SCLT1: variants seen among roughly 807,000 people sequenced by gnomAD.
SCLT1 encodes sodium channel and clathrin linker 1.
A neutral mutation model predicts 112.8 loss-of-function variants in SCLT1; 78 were observed. The ratio of observed to expected loss-of-function variants is 0.69; its 90% CI spans 0.58 to 0.83. The LOEUF (loss-of-function observed/expected upper bound fraction) is 0.83, where lower values mean the gene tolerates loss of function less well. Ranked by LOEUF, SCLT1 falls within the 40% of genes least tolerant of loss-of-function variation. The probability of loss-of-function intolerance (pLI) is 0.00; values close to 1 mark genes in which losing one functional copy is unlikely to be tolerated. For synonymous variants in SCLT1, 257 were observed against 254.7 expected (o/e 1.01, Z -0.09); for missense variants, 747 against 770.4 (o/e 0.97, Z 0.36).
intron 9 of SCLT1, among the ~76,000 whole-genome samples, chr4:128,977,351 T>C (rs1323926499): frequency 6.6e-6 from 1 of 152,174 alleles, no homozygotes; most frequent in Non-Finnish European, 1.5e-5. Context: ...ACATGTACTA[T>C]ACCAAGTACT....
In SCLT1 at chr4:128,957,123, G is replaced by A. The variant is rs1213655195; in HGVS notation, c.1049C>T (p.Ala350Val). The change falls in exon 13 of 21, where the codon GCT becomes GTT. Residue 350 changes from alanine (A) to valine (V), a missense_variant and splice_region_variant. Physicochemically the swap from Ala to Val is moderately conservative, Grantham distance 64. Transcript: ENST00000281142. The part of the protein sequence containing the change: ...LEEANLQKSQ[A>V]LLEEKQKEED... ...TTCTTTTTGCTTCTCCTCAAGTAGA[G>A]CCTTCAGAAAATAATCATTTCATGT... The A allele has an allele frequency of 6.5e-7, 1 of 1,535,216 alleles. No homozygotes were observed. Among genetic ancestry groups the A allele is most frequent in the Admixed American group, 1.8e-5 (1 of 54,348 alleles).
chr4:129,081,815 T>C (rs973793444), intron 2 of SCLT1, among the ~76,000 whole-genome samples: 3 of 152,208 alleles, frequency 2.0e-5, no homozygotes, highest in Non-Finnish European at 4.4e-5. Context: ...GAGTCACCAC[T>C]AATCTACGAG....
chr4:128,931,722 A>T (rs1461019884), intron 18 of SCLT1, among the ~76,000 whole-genome samples: 1 of 152,194 alleles, frequency 6.6e-6, no homozygotes, highest in Non-Finnish European at 1.5e-5. Context: ...TCGGCCTCCC[A>T]AAGTGTTGGG....
chr4:129,049,295 C>G (rs971167702), intron 2 of SCLT1, among the ~76,000 whole-genome samples: 2 of 151,788 alleles, frequency 1.3e-5, no homozygotes, highest in Non-Finnish European at 2.9e-5. Flanking sequence ...GAATACTATG[C>G]AGCCATAAAA....
intron 18 of SCLT1, among the ~76,000 whole-genome samples, chr4:128,912,338 T>G (rs960396200): frequency 6.6e-6 from 1 of 152,188 alleles, no homozygotes; most frequent in African/African-American, 2.4e-5. Context: ...GGTACTTTAC[T>G]GATGCTCAAT....
intron 18 of SCLT1, among the ~76,000 whole-genome samples, chr4:128,920,786 C>T (rs901070641): frequency 3.3e-5 from 5 of 152,092 alleles, no homozygotes; most frequent in African/African-American, 1.2e-4. Flanking sequence ...TACCCCTATT[C>T]AACATAGTAC....
rs748109220 is a variant in SCLT1, at chr4:128,970,405, T to G, written c.750A>C (p.Glu250Asp). ...TCTTTTTCATCTGTCCCTGCAGATC[T>G]TCAGTCACATTAGTTAACTCTTCCA... ...AKVEELTNVT[E>D]DLQGQMKKKE... The change falls in exon 10 of 21, where the codon GAA (glutamate) becomes GAC (aspartate). Residue 250 changes from glutamate to aspartate, a missense_variant. This residue lies in a region of SCLT1 where 723 missense variants were observed against 721.3 expected (regional missense o/e 1.00). Coordinates refer to ENST00000281142, the MANE Select transcript of SCLT1 (RefSeq NM_144643.4). 4 of 1,603,962 alleles carry G rather than the reference T, an allele frequency of 2.5e-6. No individual in the cohort carries two copies. Among genetic ancestry groups the G allele is most frequent in the Non-Finnish European group, 3.4e-6 (4 of 1,171,500 alleles).
In SCLT1 at chr4:129,003,810, T is replaced by C. The variant is rs202195132; in HGVS notation, c.357A>G (p.Val119=). The change falls in exon 6 of 21, where the codon GTA becomes GTG. Residue 119 remains valine (V), a synonymous_variant. Transcript: ENST00000281142. The part of the protein sequence containing the change: ...KLEAFPLGTE[V]GTDIYADDET... ...CATCATCTGCATATATGTCAGTTCC[T>C]ACCTCTGTGCCCAGGGGAAAGGCCT... The C allele has an allele frequency of 1.1e-4, 172 of 1,612,370 alleles. No individual in the cohort carries two copies. The East Asian group carries it at 3.8e-3, about 36-fold the overall frequency.
chr4:128,938,905 C>G (rs1737440212), intron 17 of SCLT1, among the ~76,000 whole-genome samples: 1 of 152,140 alleles, frequency 6.6e-6, no homozygotes, highest in Admixed American at 6.5e-5. Context: ...TCGCTTGAAC[C>G]TGGGAGGTGG....
chr4:129,079,047 G>A (rs1039395862), intron 2 of SCLT1, among the ~76,000 whole-genome samples: 6 of 152,132 alleles, frequency 3.9e-5, no homozygotes. Flanking sequence ...CAGGGGAACA[G>A]CAAGGAGAAA....
At chr4:128,919,988 T>C (rs555670099) in intron 18 of SCLT1, among the ~76,000 whole-genome samples, 6 of 152,252 alleles carry the variant, frequency 3.9e-5, no homozygotes, top group Admixed American at 2.0e-4. Flanking sequence ...GCTGATACCA[T>C]TCCTACTGAG....
At chr4:128,958,255 T>G (rs2126011457) in intron 12 of SCLT1, among the ~76,000 whole-genome samples, 1 of 152,304 alleles carries the variant, frequency 6.6e-6, no homozygotes, top group Non-Finnish European at 1.5e-5. Context: ...TTCCTCCACC[T>G]TAAACAAGTA....
At chr4:129,013,423 G>C (rs1744715137) in intron 5 of SCLT1, among the ~76,000 whole-genome samples, 1 of 152,180 alleles carries the variant, frequency 6.6e-6, no homozygotes, top group Non-Finnish European at 1.5e-5. Context: ...GTGTACTTCA[G>C]TGTATTTTTG....
intron 18 of SCLT1, among the ~76,000 whole-genome samples, chr4:128,923,636 T>C (rs891341379): frequency 1.3e-5 from 1 of 75,142 alleles, no homozygotes; most frequent in Non-Finnish European, 2.7e-5. Flanking sequence ...GTCTTCTATA[T>C]CTGTTTTTTT....
In SCLT1 at chr4:128,897,882, G is replaced by A. The variant is rs909724152; in HGVS notation, c.1830-6745C>T. Among the ~76,000 whole-genome samples, 10 of 152,206 alleles carry A rather than the reference G, an allele frequency of 6.6e-5. No homozygotes were observed. In the East Asian group the frequency reaches 1.2e-3, roughly 18 times the overall value. On this transcript the variant is annotated intron_variant, in intron 18 of 20. Coordinates refer to ENST00000281142, the MANE Select transcript of SCLT1 (RefSeq NM_144643.4). ...GGCAGGGGTTGCAATCCTAGTCTCT[G>A]ATAAAACAGACTTTAAAACAACAAA... is the stretch of plus-strand genomic sequence containing the variant.
At position 128,894,087 on chromosome 4, in the gene SCLT1, A is replaced by G. The variant is rs371299476; in HGVS notation, c.1830-2950T>C. On this transcript the variant is annotated intron_variant, in intron 18 of 20. Coordinates refer to ENST00000281142, the MANE Select transcript of SCLT1 (RefSeq NM_144643.4). ...CCTGAGTAGCTGAGCCTTCAGGTGC[A>G]TGCCATCATGCCCGGCTAGTTTTTT... Among the ~76,000 whole-genome samples the G allele has an allele frequency of 2.0e-5, 3 of 152,024 alleles. No individual in the cohort carries two copies. In the East Asian group the frequency reaches 5.8e-4, roughly 29 times the overall value.
intron 1 of SCLT1, among the ~76,000 whole-genome samples, chr4:129,089,329 A>G (rs1752643718): frequency 6.6e-6 from 1 of 152,272 alleles, no homozygotes; most frequent in South Asian, 2.1e-4. Context: ...ACCAGTTAGA[A>G]TGGCAATCAT....
chr4:128,899,251 T>C (rs1338647888), intron 18 of SCLT1, among the ~76,000 whole-genome samples: 1 of 152,170 alleles, frequency 6.6e-6, no homozygotes, highest in African/African-American at 2.4e-5. Context: ...ATATCCCTGA[T>C]GAACATCGAT....
At chr4:129,065,446 C>G (rs1750392815) in intron 2 of SCLT1, among the ~76,000 whole-genome samples, 1 of 151,934 alleles carries the variant, frequency 6.6e-6, no homozygotes, top group South Asian at 2.1e-4. Context: ...CAAGAGTTGG[C>G]AAAGCTTTTT....
Sources: gnomAD v4.1 joint callset for allele counts (sites outside exome capture counted in the v4.1 genomes callset) on GRCh38, gnomAD v4.1.1 for gene constraint, gnomAD v4.1.1 regional missense constraint, MANE v1.5 for transcripts, NCBI Gene and HGNC (gene_info 2026-07-23, HGNC 2026-07-21) for gene names.